SEMA5B: variants seen among roughly 807,000 people sequenced by gnomAD.
The protein encoded by SEMA5B is semaphorin-5B.
Under a neutral mutation model 135.0 loss-of-function variants are expected in SEMA5B, and 66 were observed. That is an observed-to-expected ratio of 0.49 (90% CI 0.40 to 0.60). SEMA5B has a LOEUF of 0.60. Among genes scored for constraint, SEMA5B ranks in the 20% least tolerant of loss-of-function variants. SEMA5B has a pLI of 0.00. For synonymous variants in SEMA5B, 690 were observed against 639.5 expected, an observed-to-expected ratio of 1.08 and a Z score of -1.19; for missense variants, 1,501 against 1,566.3, an observed-to-expected ratio of 0.96 and a Z score of 0.70.
chr3:123,011,427 T>C (rs1177905123), intron 1 of SEMA5B, among the ~76,000 whole-genome samples: 1 of 152,142 alleles, frequency 6.6e-6, no homozygotes, highest in African/African-American at 2.4e-5. Context: ...CCGGGGCTCG[T>C]CCCAGGCCTT....
intron 1 of SEMA5B, among the ~76,000 whole-genome samples, chr3:123,025,173 G>A (rs1046988221): frequency 6.6e-6 from 1 of 152,202 alleles, no homozygotes; most frequent in Non-Finnish European, 1.5e-5. Context: ...ACTAGAAGTG[G>A]TAAAGGAACT....
At chr3:122,987,174 GGAGAGAGA>G in intron 1 of SEMA5B, among the ~76,000 whole-genome samples, 1 of 150,828 alleles carries the variant, frequency 6.6e-6, no homozygotes, top group African/African-American at 2.4e-5. Flanking sequence ...GGAAGGCAGG[GGAGAGAGA>G]GAGAGAGAGA....
At chr3:122,986,955 G>T (rs1941719658) in intron 1 of SEMA5B, among the ~76,000 whole-genome samples, 1 of 152,234 alleles carries the variant, frequency 6.6e-6, no homozygotes, top group East Asian at 1.9e-4. Context: ...CCGGGATTGT[G>T]GGGAAGAAGA....
chr3:122,926,775 C>A, intron 8 of SEMA5B, 98 bp from the exon 9 acceptor site: 1 of 1,310,710 alleles, frequency 7.6e-7, no homozygotes, highest in Admixed American at 1.9e-5. Flanking sequence ...CCCAGATGGG[C>A]ATCCTGACAT....
intron 1 of SEMA5B, among the ~76,000 whole-genome samples, chr3:122,966,718 C>T (rs1313948960): frequency 6.7e-6 from 1 of 150,040 alleles, no homozygotes; most frequent in Non-Finnish European, 1.5e-5. Flanking sequence ...CCGCGCCCAG[C>T]TAATTTTTTG....
intron 1 of SEMA5B, among the ~76,000 whole-genome samples, chr3:122,983,860 A>G (rs1449745651): frequency 6.6e-6 from 1 of 151,500 alleles, no homozygotes; most frequent in East Asian, 1.9e-4. Context: ...ACTGCTCACT[A>G]ATGTTAGTGT....
intron 1 of SEMA5B, among the ~76,000 whole-genome samples, chr3:122,986,917 A>G (rs1217590820): frequency 6.6e-6 from 1 of 152,170 alleles, no homozygotes; most frequent in Non-Finnish European, 1.5e-5. Context: ...GCCGTGAGCT[A>G]GCAGGCCTTG....
At chr3:122,955,860 A>C (rs1940269484) in intron 2 of SEMA5B, among the ~76,000 whole-genome samples, 1 of 152,262 alleles carries the variant, frequency 6.6e-6, no homozygotes, top group South Asian at 2.1e-4. Context: ...TCATTCATTT[A>C]CATAATACTT....
At chr3:122,996,776 T>A (rs1459492345) in intron 1 of SEMA5B, among the ~76,000 whole-genome samples, 1 of 152,190 alleles carries the variant, frequency 6.6e-6, no homozygotes, top group Non-Finnish European at 1.5e-5. Flanking sequence ...TGCCCTGTCC[T>A]TGCCCTGGGC....
At chr3:122,944,690 C>A (rs1457834537) in intron 3 of SEMA5B, among the ~76,000 whole-genome samples, 1 of 114,030 alleles carries the variant, frequency 8.8e-6, no homozygotes, top group Non-Finnish European at 2.0e-5. Context: ...GACCTCACGG[C>A]CTCTGGGCGG....
chr3:123,027,539 C>A lies in SEMA5B; in HGVS notation c.-114G>T, dbSNP rs1942830139. 6.6e-6 allele frequency: 1 copy of A among 152,284 alleles called. No homozygotes were observed. Among genetic ancestry groups the A allele is most frequent in the African/African-American group, 2.4e-5 (1 of 41,456 alleles). The allele number at this position is 152,284 out of a possible 1,614,324, so 9.4% of individuals were successfully genotyped here. ...GGCGGCGCGGAGCGGCGGGAGCTAA[C>A]CAGATGGGCTGGCGGCCGGTCTGGG... is the stretch of plus-strand genomic sequence containing the variant. On this transcript the variant is annotated 5_prime_UTR_variant, in exon 1 of 23. Coordinates refer to ENST00000357599, the MANE Select transcript of SEMA5B (RefSeq NM_001031702.4).
At chr3:123,006,884 T>A (rs1942328149) in intron 1 of SEMA5B, among the ~76,000 whole-genome samples, 1 of 152,144 alleles carries the variant, frequency 6.6e-6, no homozygotes, top group Non-Finnish European at 1.5e-5. Context: ...GGCAGCTGCT[T>A]TGCACCACAA....
intron 1 of SEMA5B, among the ~76,000 whole-genome samples, chr3:123,024,880 A>G (rs970612511): frequency 1.1e-4 from 17 of 152,184 alleles, no homozygotes; most frequent in Admixed American, 1.1e-3. Flanking sequence ...TTGAACTCCC[A>G]ATTGTCCATA....
intron 1 of SEMA5B, among the ~76,000 whole-genome samples, chr3:122,983,719 A>C (rs891570070): frequency 3.8e-4 from 9 of 23,672 alleles, no homozygotes; most frequent in Admixed American, 5.8e-4. Context: ...CTCGTCTCAA[A>C]AAAAAAAAAA....
At chr3:122,986,161 C>T (rs1941689357) in intron 1 of SEMA5B, among the ~76,000 whole-genome samples, 3 of 152,204 alleles carry the variant, frequency 2.0e-5, no homozygotes, top group African/African-American at 7.2e-5. Flanking sequence ...CTTTGTCTTA[C>T]TCTAAGTGTG....
At position 122,922,012 on chromosome 3, in the gene SEMA5B, G is replaced by A. The variant is rs74549317; in HGVS notation, c.1591C>T (p.Leu531=). The A allele has an allele frequency of 6.6e-7, 1 of 1,523,912 alleles. No homozygotes were observed. Among genetic ancestry groups the A allele is most frequent in the Non-Finnish European group, 8.8e-7 (1 of 1,138,578 alleles). The allele number at this position is 1,523,912 out of a possible 1,614,324, so 94.4% of individuals were successfully genotyped here. A position where few individuals can be genotyped will look rare whatever the true frequency, so the allele number is the denominator to read the frequency against. ...PPGRREPLRS[L]RILHSARALF... ...GCGCGGGCGCTGTGCAGGATGCGCA[G>A]GCTGCGCAGGGGCTCGCGGCGCCCG... Residue 531 remains leucine, a synonymous_variant, in exon 12 of 23, where the codon CTG becomes TTG. Transcript: ENST00000357599.
chr3:122,972,729 G>A (rs1045265171), intron 1 of SEMA5B, among the ~76,000 whole-genome samples: 1 of 152,174 alleles, frequency 6.6e-6, no homozygotes, highest in Non-Finnish European at 1.5e-5. Context: ...TCCCCTTCAT[G>A]TGGATGGGTC....
intron 10 of SEMA5B, among the ~76,000 whole-genome samples, chr3:122,922,826 G>A (rs185024388): frequency 1.7e-4 from 26 of 152,240 alleles, no homozygotes; most frequent in Admixed American, 1.1e-3. Context: ...TCCCTCTCCT[G>A]TGTCCTTGCC....
Position 122,915,873 on chromosome 3 carries a change from C to T in SEMA5B, c.1706G>A (p.Arg569Gln), listed in dbSNP as rs147395298. 62 of 1,613,804 alleles carry T rather than the reference C, an allele frequency of 3.8e-5. No homozygotes were observed. The highest frequency in any genetic ancestry group is 4.4e-5 in the South Asian group (4 of 91,078). The change falls in exon 13 of 23, where the codon CGG becomes CAG. Residue 569 changes from arginine (R) to glutamine (Q), a missense_variant. Physicochemically the swap from Arg to Gln is conservative, Grantham distance 43. Around this residue, in one of 2 missense-constraint regions of SEMA5B, gnomAD observed 927 missense variants for 881.6 expected, o/e 1.05. Transcript: ENST00000357599. ...YRSQGACLGA[R>Q]DPYCGWDGKQ... Reference sequence around the variant, plus strand: ...CCCGTCCCAGCCACAGTACGGGTCCCGGGCCCCCAGGCATGCCCTGCCAGA... The same window carrying T: ...CCCGTCCCAGCCACAGTACGGGTCCTGGGCCCCCAGGCATGCCCTGCCAGA...
Sources: allele counts gnomAD v4.1 joint callset (sites outside exome capture counted in the v4.1 genomes callset), GRCh38; gene constraint gnomAD v4.1.1; regional missense constraint gnomAD v4.1.1; transcripts MANE v1.5; gene names NCBI Gene and HGNC (gene_info 2026-07-23, HGNC 2026-07-21).